The following CYP17A1 variants were observed in gnomAD, a reference collection of about 807,000 sequenced individuals.
CYP17A1 encodes cytochrome P450 family 17 subfamily A member 1.
CYP17A1 carries 27 observed loss-of-function variants against 38.5 expected under a neutral mutation model. That is an observed-to-expected ratio of 0.70 (90% CI 0.52 to 0.97). The LOEUF (loss-of-function observed/expected upper bound fraction) is 0.97. CYP17A1 is among the 50% of genes least tolerant of loss of function. The probability of loss-of-function intolerance (pLI) is 0.00; values close to 1 mark genes in which losing one functional copy is unlikely to be tolerated. For synonymous variants in CYP17A1, 263 were observed against 253.3 expected (o/e 1.04, Z -0.36); for missense variants, 549 against 645.9 (o/e 0.85, Z 1.63).
chr10:102,830,547 A>C lies in CYP17A1; in HGVS notation c.*155T>G. 4 of 607,906 alleles carry C rather than the reference A, an allele frequency of 6.6e-6. No individual in the cohort carries two copies. Among genetic ancestry groups the C allele is most frequent in the Non-Finnish European group, 1.2e-5 (4 of 341,634 alleles). The allele number at this position is 607,906 out of a possible 1,614,324, so 37.7% of individuals were successfully genotyped here. ...TCAGGGACCTTATGGAAAAAAAAAAACTGTTTATGCACATCACTGGCATTG... is the reference window on the plus strand; with the variant it reads ...TCAGGGACCTTATGGAAAAAAAAAACCTGTTTATGCACATCACTGGCATTG... On this transcript the variant is annotated 3_prime_UTR_variant, in exon 8 of 8. Transcript: ENST00000369887. The surrounding 1 kb of genome is among the most constrained non-coding windows in gnomAD (Gnocchi z 4.1).
Position 102,835,378 on chromosome 10 carries a change from G to T in CYP17A1, c.312C>A (p.Ile104=). The part of the protein sequence containing the change: ...SGRPQMATLD[I]ASNNRKGIAF... ...CGATACCCTTACGGTTGTTGGACGC[G>T]ATGTCTAGAGTTGCCTTTAGAGAGC... Residue 104 remains isoleucine, a synonymous_variant, in exon 2 of 8, where the codon ATC becomes ATA. Transcript: ENST00000369887. 2 of 1,612,540 alleles carry T rather than the reference G, an allele frequency of 1.2e-6. No individual in the cohort carries two copies. Among genetic ancestry groups the T allele is most frequent in the Non-Finnish European group, 1.7e-6 (2 of 1,178,504 alleles).
chr10:102,835,357 A>G lies in CYP17A1; in HGVS notation c.333T>C (p.Gly111=), dbSNP rs767158887. ...TLDIASNNRK[G]IAFADSGAHW... ...GTGCGCCAGAGTCAGCGAAGGCGAT[A>G]CCCTTACGGTTGTTGGACGCGATGT... is the stretch of plus-strand genomic sequence containing the variant. The change falls in exon 2 of 8, where the codon GGT becomes GGC. Residue 111 remains glycine, a synonymous_variant. Coordinates refer to ENST00000369887, the MANE Select transcript of CYP17A1 (RefSeq NM_000102.4). 1 of 1,612,768 alleles carries G rather than the reference A, an allele frequency of 6.2e-7. No individual in the cohort carries two copies. The highest frequency in any genetic ancestry group is 1.1e-5 in the South Asian group (1 of 91,054).
Position 102,837,128 on chromosome 10 carries a change from G to T in CYP17A1, c.234C>A (p.His78Gln), listed in dbSNP as rs1464888181. The change falls in exon 1 of 8, where the codon CAC (histidine) becomes CAA (glutamine). Residue 78 changes from histidine (H) to glutamine (Q), a missense_variant. His to Gln is a conservative substitution (Grantham distance 24). Transcript: ENST00000369887. Reference sequence around the variant, plus strand: ...TAAGCACCTCCTTGGCCAGCTGGTGGTGGCCGACAATCACTGTAGTCTTGG... The same window carrying T: ...TAAGCACCTCCTTGGCCAGCTGGTGTTGGCCGACAATCACTGTAGTCTTGG... ...MGTKTTVIVG[H>Q]HQLAKEVLIK... The T allele has an allele frequency of 1.3e-5, 21 of 1,601,500 alleles. No homozygotes were observed. The highest frequency in any genetic ancestry group is 1.8e-5 in the Non-Finnish European group (21 of 1,168,484).
rs1243211227 is a variant in CYP17A1 at position 102,832,494 on chromosome 10, T to A, written c.1139+17A>T. On this transcript the variant is annotated intron_variant, in intron 6 of 7. Coordinates refer to ENST00000369887, the MANE Select transcript of CYP17A1 (RefSeq NM_000102.4). The stretch of plus-strand genomic sequence containing the variant: ...AATGCATCATGGGGCTAGATGTCAC[T>A]GGGAGGGCAGGCACACCTGGAGTCA... 1 of 1,566,016 alleles carries A rather than the reference T, an allele frequency of 6.4e-7. No individual in the cohort carries two copies. Among genetic ancestry groups the A allele is most frequent in the Non-Finnish European group, 8.8e-7 (1 of 1,136,512 alleles).
intron 1 of CYP17A1, among the ~76,000 whole-genome samples, chr10:102,836,381 C>T (rs188885091): frequency 2.0e-5 from 3 of 148,950 alleles, no homozygotes; most frequent in East Asian, 2.0e-4. Flanking sequence ...CACTTGAACC[C>T]GGGAGGCAGA....
chr10:102,837,069 T>A lies in CYP17A1; in HGVS notation c.293A>T (p.Gln98Leu), dbSNP rs757599828. 4 of 1,592,746 alleles carry A rather than the reference T, an allele frequency of 2.5e-6. No individual in the cohort carries two copies. In the East Asian group the frequency reaches 8.9e-5, roughly 36 times the overall value. ...GAGGAGATGGGCACCACTTACCATT[T>A]GAGGCCGCCCAGAGAAGTCCTTGCC... ...KKGKDFSGRP[Q>L]MATLDIASNN... Residue 98 changes from glutamine to leucine, a missense_variant, in exon 1 of 8, where the codon CAA (glutamine) becomes CTA (leucine). This residue lies in a region of CYP17A1 where 289 missense variants were observed against 320.9 expected (regional missense o/e 0.90). Transcript: ENST00000369887.
intron 1 of CYP17A1, 195 bp downstream of exon 1, chr10:102,836,870 C>T (rs1844169009): frequency 1.6e-6 from 1 of 625,416 alleles, no homozygotes; most frequent in South Asian, 1.8e-5. Flanking sequence ...AGGAGACATT[C>T]CTTTAATTCT....
intron 5 of CYP17A1, 44 bp from the exon 6 acceptor site, chr10:102,832,724 C>G: frequency 7.3e-7 from 1 of 1,369,118 alleles, no homozygotes; most frequent in Non-Finnish European, 1.0e-6. Context: ...TGTGTAAGCC[C>G]AGGAGAAGCA....
chr10:102,835,202 A>G, intron 2 of CYP17A1, 52 bp downstream of exon 2: 2 of 1,541,248 alleles, frequency 1.3e-6, no homozygotes, highest in Non-Finnish European at 1.8e-6. Flanking sequence ...CTCTCCCTCC[A>G]GCAGCTCCTG....
Position 102,837,197 on chromosome 10 carries a change from C to T in CYP17A1, c.165G>A (p.Lys55=). The T allele has an allele frequency of 1.9e-6, 3 of 1,608,194 alleles. No homozygotes were observed. Among genetic ancestry groups the T allele is most frequent in the Non-Finnish European group, 2.6e-6 (3 of 1,174,578 alleles). The part of the protein sequence containing the change: ...RHGHMHNNFF[K]LQKKYGPIYS... ...AGATGGGGCCATATTTTTTCTGCAG[C>T]TTGAAGAAGTTGTTATGCATATGGC... Residue 55 remains lysine (K), a synonymous_variant, in exon 1 of 8, where the codon AAG becomes AAA. Coordinates refer to ENST00000369887, the MANE Select transcript of CYP17A1 (RefSeq NM_000102.4).
intron 6 of CYP17A1, 138 bp from the exon 7 acceptor site, chr10:102,831,749 G>T (rs1844092901): frequency 2.0e-6 from 3 of 1,474,018 alleles, no homozygotes; most frequent in Non-Finnish European, 2.7e-6. Context: ...GTTTTCCTCA[G>T]CTTCTGCCAG....
In CYP17A1 at chr10:102,830,558, A is replaced by G. The variant is rs1325680223; in HGVS notation, c.*144T>C. ...ATGGAAAAAAAAAAACTGTTTATGC[A>G]CATCACTGGCATTGCCACAAGCTGA... On this transcript the variant is annotated 3_prime_UTR_variant, in exon 8 of 8. Coordinates refer to ENST00000369887, the MANE Select transcript of CYP17A1 (RefSeq NM_000102.4). This position sits in a 1 kb window ranked among gnomAD's most constrained non-coding sequence, Gnocchi z 4.1. 3 of 623,430 alleles carry G rather than the reference A, an allele frequency of 4.8e-6. No individual in the cohort carries two copies. The highest frequency in any genetic ancestry group is 8.6e-6 in the Non-Finnish European group (3 of 348,870). The allele number at this position is 623,430 out of a possible 1,614,324, so 38.6% of individuals were successfully genotyped here.
In CYP17A1 at chr10:102,832,619, ATAGT is replaced by A; in HGVS notation, c.1027_1030del (p.Thr343SerfsTer75). ...CAGGAGGAGACGGTTACGGTCACTG[ATAGT>A]TGGTGTGCGGCTGAAACCCACATTC... On this transcript the variant is annotated frameshift_variant, in exon 6 of 8. Transcript: ENST00000369887. LOFTEE classifies it high-confidence loss of function. The A allele has an allele frequency of 1.2e-6, 2 of 1,605,604 alleles. No individual in the cohort carries two copies. Among genetic ancestry groups the A allele is most frequent in the African/African-American group, 1.3e-5 (1 of 74,884 alleles).
At chr10:102,831,027 GGGA>G (rs1269741742) in intron 7 of CYP17A1, 42 bp from the exon 8 acceptor site, 2 of 1,364,112 alleles carry the variant, frequency 1.5e-6, no homozygotes, top group South Asian at 2.5e-5. Flanking sequence ...TAGGGCAGGA[GGGA>G]GGAGAGGCAT....
intron 3 of CYP17A1, chr10:102,834,545 T>C (rs1006656424): frequency 6.6e-6 from 4 of 609,252 alleles, no homozygotes; most frequent in Non-Finnish European, 1.2e-5. Flanking sequence ...TACTGGCACA[T>C]GGTAATTGGA....
At position 102,830,662 on chromosome 10, in the gene CYP17A1, G is replaced by C; in HGVS notation, c.*40C>G. Reference sequence around the variant, plus strand: ...GGTTGTATCTCTAAATCTGTGTTGTGGGGCCACATAGGGTGGACAGGGGCT... The same window carrying C: ...GGTTGTATCTCTAAATCTGTGTTGTCGGGCCACATAGGGTGGACAGGGGCT... On this transcript the variant is annotated 3_prime_UTR_variant, in exon 8 of 8. Coordinates refer to ENST00000369887, the MANE Select transcript of CYP17A1 (RefSeq NM_000102.4). The surrounding 1 kb of genome is among the most constrained non-coding windows in gnomAD (Gnocchi z 4.1). The C allele has an allele frequency of 8.3e-7, 1 of 1,210,480 alleles. No homozygotes were observed. Among genetic ancestry groups the C allele is most frequent in the Non-Finnish European group, 1.2e-6 (1 of 823,760 alleles). 75.0% of individuals were successfully genotyped at this position (1,210,480 alleles called of 1,614,324 possible).
At chr10:102,835,610 G>A in intron 1 of CYP17A1, 2 of 596,270 alleles carry the variant, frequency 3.4e-6, no homozygotes, top group South Asian at 3.8e-5. Context: ...AAATACAGTA[G>A]ATCAAGGAGA....
intron 2 of CYP17A1, 102 bp from the exon 3 acceptor site, chr10:102,835,116 G>T: frequency 9.3e-7 from 1 of 1,073,362 alleles, no homozygotes; most frequent in Non-Finnish European, 1.4e-6. Flanking sequence ...ATAGCAGATG[G>T]CCACTAGATG....
intron 3 of CYP17A1, 107 bp downstream of exon 3, chr10:102,834,678 G>C: frequency 1.9e-6 from 3 of 1,540,416 alleles, no homozygotes; most frequent in Non-Finnish European, 2.7e-6. Flanking sequence ...AGGTAATCAG[G>C]AAAAAGATGG....
Sources: gnomAD v4.1 joint callset for allele counts (sites outside exome capture counted in the v4.1 genomes callset) on GRCh38, gnomAD v4.1.1 for gene constraint, gnomAD v4.1.1 regional missense constraint, Gnocchi (gnomAD v3.1) non-coding constraint, MANE v1.5 for transcripts, NCBI Gene and HGNC (gene_info 2026-07-23, HGNC 2026-07-21) for gene names.